The following SYAP1 variants were observed in gnomAD, a reference collection of about 807,000 sequenced individuals.
SYAP1 encodes the protein synapse-associated protein 1.
Under a neutral mutation model 29.6 loss-of-function variants are expected in SYAP1, and 3 were observed. That is an observed-to-expected ratio of 0.10 (90% CI 0.05 to 0.26). SYAP1 has a LOEUF of 0.26. SYAP1 is among the 10% of genes least tolerant of loss of function. The pLI, the probability that SYAP1 is intolerant of heterozygous loss-of-function variation, is 1.00. For missense variants in SYAP1, 217 were observed against 264.1 expected (o/e 0.82, Z 1.24); for synonymous variants, 102 against 102.7 (o/e 0.99, Z 0.04).
intron 1 of SYAP1, among the ~76,000 whole-genome samples, chrX:16,723,237 T>A (rs930182546): frequency 8.9e-6 from 1 of 112,356 alleles, no homozygotes; most frequent in Non-Finnish European, 1.9e-5. Context: ...CAGAGGTGAC[T>A]ATGTACCTGC....
Position 16,756,558 on chromosome X carries a change from G to T in SYAP1, c.725-105G>T. On this transcript the variant is annotated intron_variant, in intron 6 of 8. Coordinates refer to ENST00000380155, the MANE Select transcript of SYAP1 (RefSeq NM_032796.4). ...AAGCATAACATAAAAATTCATTTCT[G>T]AAAATTATTTAGTATCATAATACTT... 6 of 717,374 alleles carry T rather than the reference G, an allele frequency of 8.4e-6. No individual in the cohort carries two copies. The South Asian group carries it at 1.7e-4, about 21-fold the overall frequency. 59.1% of individuals were successfully genotyped at this position (717,374 alleles called of 1,213,427 possible). A position where few individuals can be genotyped will look rare whatever the true frequency, so the allele number is the denominator to read the frequency against.
At chrX:16,741,569 G>A (rs1333511854) in intron 3 of SYAP1, 147 bp from the exon 4 acceptor site, 12 of 411,186 alleles carry the variant, frequency 2.9e-5, no homozygotes, top group South Asian at 4.9e-5. Context: ...TGGTTATTAC[G>A]GTTAATGTTC....
Position 16,760,442 on chromosome X carries a change from G to T in SYAP1, c.*83G>T. On this transcript the variant is annotated 3_prime_UTR_variant, in exon 9 of 9. Transcript: ENST00000380155. ...GATGTTGACAATTACTGAATCAGAA[G>T]GCATGAAAGAGTATAATTTTATGAA... 1 of 905,533 alleles carries T rather than the reference G, an allele frequency of 1.1e-6. No individual in the cohort carries two copies. Among genetic ancestry groups the T allele is most frequent in the Non-Finnish European group, 1.5e-6 (1 of 683,412 alleles). The allele number at this position is 905,533 out of a possible 1,213,427, so 74.6% of individuals were successfully genotyped here.
intron 2 of SYAP1, 82 bp from the exon 3 acceptor site, chrX:16,736,084 G>T: frequency 1.6e-6 from 1 of 620,383 alleles, no homozygotes; most frequent in East Asian, 3.4e-5. Context: ...CATTTATGTT[G>T]GTAGATATTT....
chrX:16,752,082 C>T (rs746590535), intron 5 of SYAP1, among the ~76,000 whole-genome samples: 108 of 102,957 alleles, frequency 1.0e-3, no homozygotes, highest in Non-Finnish European at 1.6e-3. Context: ...TGGGTTCAAG[C>T]GATTCTCCTG....
At chrX:16,741,581 T>C in intron 3 of SYAP1, 135 bp from the exon 4 acceptor site, 1 of 437,774 alleles carries the variant, frequency 2.3e-6, no homozygotes, top group Non-Finnish European at 4.1e-6. Flanking sequence ...TTAATGTTCA[T>C]ATTTGGAACT....
intron 1 of SYAP1, among the ~76,000 whole-genome samples, chrX:16,730,647 T>C (rs1340169374): frequency 2.7e-5 from 3 of 112,295 alleles, no homozygotes; most frequent in East Asian, 5.6e-4. Context: ...CACCTTTAAA[T>C]TGTACAATAT....
intron 3 of SYAP1, chrX:16,736,509 CTT>C: frequency 9.3e-6 from 2 of 214,609 alleles, no homozygotes; most frequent in Non-Finnish European, 1.7e-5. Flanking sequence ...TTTCTCTTTT[CTT>C]TTCCCCCACC....
intron 5 of SYAP1, among the ~76,000 whole-genome samples, chrX:16,747,535 G>C (rs1187167911): frequency 1.8e-5 from 2 of 112,575 alleles, no homozygotes; most frequent in African/African-American, 6.4e-5. Flanking sequence ...GTGGCCTGGG[G>C]TGCTCATAGC....
At position 16,734,737 on chromosome X, in the gene SYAP1, T is replaced by C. The variant is rs1044242501; in HGVS notation, c.176-490T>C. 2.4e-4 allele frequency among the ~76,000 whole-genome samples: 27 copies of C among 110,571 alleles called. 1 individual carries two copies. Among genetic ancestry groups the C allele is most frequent in the Admixed American group, 1.7e-3 (18 of 10,323 alleles). On this transcript the variant is annotated intron_variant, in intron 1 of 8. Coordinates refer to ENST00000380155, the MANE Select transcript of SYAP1 (RefSeq NM_032796.4). ...GAGGCCAGGCCCGGTGGCTCACGCC[T>C]GTAATCCCAGCACTTTGGGAGGCTG... is the stretch of plus-strand genomic sequence containing the variant.
At chrX:16,747,088 G>C (rs767401907) in intron 5 of SYAP1, among the ~76,000 whole-genome samples, 7 of 111,136 alleles carry the variant, frequency 6.3e-5, no homozygotes, top group African/African-American at 2.3e-4. Flanking sequence ...GTAGCTCAGA[G>C]GCCTGTGCTG....
chrX:16,724,500 C>A (rs959929709), intron 1 of SYAP1, among the ~76,000 whole-genome samples: 3 of 111,982 alleles, frequency 2.7e-5, no homozygotes, highest in Non-Finnish European at 5.6e-5. Context: ...TTTCCAAGGA[C>A]AGCAGTCTCA....
rs1287993300 is a variant in SYAP1 at position 16,748,902 on chromosome X, G to A, written c.575+5062G>A. 5.5e-5 allele frequency among the ~76,000 whole-genome samples: 6 copies of A among 109,011 alleles called. No individual in the cohort carries two copies. The East Asian group carries it at 8.6e-4, about 16-fold the overall frequency. 94.7% of individuals were successfully genotyped at this position (109,011 alleles called of 115,157 possible). The stretch of plus-strand genomic sequence containing the variant: ...CTCCCAAGTAGCTGGGACTACAGGC[G>A]CACGCCACCACACCTAGCTAATTTT... On this transcript the variant is annotated intron_variant, in intron 5 of 8. Coordinates refer to ENST00000380155, the MANE Select transcript of SYAP1 (RefSeq NM_032796.4).
chrX:16,740,041 G>A (rs1374184150), intron 3 of SYAP1, among the ~76,000 whole-genome samples: 2 of 110,736 alleles, frequency 1.8e-5, no homozygotes, highest in Non-Finnish European at 3.8e-5. Flanking sequence ...ATCTTCAGAC[G>A]AGCTTGCCAT....
chrX:16,762,132 A>G lies in SYAP1; in HGVS notation c.*1773A>G, dbSNP rs1420721894. On this transcript the variant is annotated 3_prime_UTR_variant, in exon 9 of 9. Transcript: ENST00000380155. ...ACTTCTGAAATAATCTCATTGAAGG[A>G]AAGAGTTTCATTTTTTTTTTAAAAG... 8.9e-6 allele frequency: 1 copy of G among 112,286 alleles called. No homozygotes were observed. The highest frequency in any genetic ancestry group is 1.9e-5 in the Non-Finnish European group (1 of 53,329). The allele number at this position is 112,286 out of a possible 1,213,427, so 9.3% of individuals were successfully genotyped here. A position where few individuals can be genotyped will look rare whatever the true frequency, so the allele number is the denominator to read the frequency against.
At chrX:16,722,477 G>A (rs1925984531) in intron 1 of SYAP1, among the ~76,000 whole-genome samples, 1 of 107,512 alleles carries the variant, frequency 9.3e-6, no homozygotes, top group Non-Finnish European at 1.9e-5. Context: ...GCAGTGAGCC[G>A]AGATCGCGCC....
At chrX:16,753,438 A>C (rs1926780779) in intron 5 of SYAP1, among the ~76,000 whole-genome samples, 1 of 110,135 alleles carries the variant, frequency 9.1e-6, no homozygotes, top group Non-Finnish European at 1.9e-5. Context: ...ATAATTACCA[A>C]TTTGGCCAAT....
intron 5 of SYAP1, among the ~76,000 whole-genome samples, chrX:16,753,963 C>T (rs1466751668): frequency 9.0e-6 from 1 of 110,998 alleles, no homozygotes; most frequent in Non-Finnish European, 1.9e-5. Context: ...GGCCACCCCC[C>T]TGTGTGGACA....
intron 3 of SYAP1, among the ~76,000 whole-genome samples, chrX:16,737,133 C>A (rs1464137676): frequency 8.9e-6 from 1 of 111,834 alleles, no homozygotes; most frequent in African/African-American, 3.2e-5. Context: ...AATCCCAACA[C>A]TTTGGCAGGC....
Sources: gnomAD v4.1 joint callset for allele counts (sites outside exome capture counted in the v4.1 genomes callset) on GRCh38, gnomAD v4.1.1 for gene constraint, MANE v1.5 for transcripts, NCBI Gene and HGNC (gene_info 2026-07-23, HGNC 2026-07-21) for gene names.